The following CLEC2A variants were observed in gnomAD, a reference collection of about 807,000 sequenced individuals.
CLEC2A encodes the protein keratinocyte-associated C-type lectin.
CLEC2A carries 19 observed loss-of-function variants against 18.6 expected under a neutral mutation model. That is an observed-to-expected ratio of 1.02 (90% CI 0.71 to 1.50). The LOEUF (loss-of-function observed/expected upper bound fraction) is 1.50, where lower values mean the gene tolerates loss of function less well. Among genes scored for constraint, CLEC2A ranks in the 40% most tolerant of loss-of-function variants. The probability of loss-of-function intolerance (pLI) is 0.00; values close to 1 mark genes in which losing one functional copy is unlikely to be tolerated. For synonymous variants in CLEC2A, 74 were observed against 64.0 expected (o/e 1.16, Z -0.75); for missense variants, 190 against 207.9 (o/e 0.91, Z 0.53).
At chr12:9,909,351 T>C (rs1346788340), downstream of CLEC2A, among the ~76,000 whole-genome samples, 1 of 152,214 alleles carries the variant, frequency 6.6e-6, no homozygotes, top group Non-Finnish European at 1.5e-5. Flanking sequence ...TCGTCTGCTG[T>C]AGAAACGTTT....
intron 1 of CLEC2A, among the ~76,000 whole-genome samples, chr12:9,930,249 C>T (rs926409408): frequency 5.9e-5 from 9 of 152,134 alleles, no homozygotes; most frequent in East Asian, 5.8e-4. Flanking sequence ...CCCAACCTAC[C>T]GACCTAATTT....
the CLEC2A span, among the ~76,000 whole-genome samples, chr12:9,886,199 G>C: frequency 6.9e-3 from 1,050 of 152,058 alleles, 12 homozygotes; most frequent in African/African-American, 0.024. Flanking sequence ...TAATAAATTA[G>C]TAACAATTAC....
chr12:9,926,427 T>C, intron 1 of CLEC2A, 84 bp from the exon 2 acceptor site: 1 of 836,512 alleles, frequency 1.2e-6, no homozygotes, highest in Non-Finnish European at 2.0e-6. Flanking sequence ...TCTCCTATAA[T>C]TGTTAATCAG....
At chr12:9,932,207 T>C in intron 1 of CLEC2A, 68 bp downstream of exon 1, 2 of 1,166,590 alleles carry the variant, frequency 1.7e-6, no homozygotes, top group Non-Finnish European at 2.5e-6. Flanking sequence ...GAGTCCATAT[T>C]TTTAAGCTGT....
At chr12:9,909,502 A>C (rs1453208579), downstream of CLEC2A, among the ~76,000 whole-genome samples, 1 of 152,144 alleles carries the variant, frequency 6.6e-6, no homozygotes, top group Non-Finnish European at 1.5e-5. Context: ...TTGATCACCG[A>C]CCTGATCTGC....
chr12:9,903,731 G>A (rs1397061369), intron 4 of CLEC2A, among the ~76,000 whole-genome samples: 1 of 152,138 alleles, frequency 6.6e-6, no homozygotes, highest in East Asian at 1.9e-4. Context: ...TGTAATAGAT[G>A]TAATTTATCC....
chr12:9,917,501 G>C (rs770451068), intron 3 of CLEC2A, among the ~76,000 whole-genome samples: 8 of 152,156 alleles, frequency 5.3e-5, no homozygotes, highest in Non-Finnish European at 8.8e-5. Flanking sequence ...AATTAAAAGT[G>C]AGTCTTACCC....
At chr12:9,882,467 G>C in the CLEC2A span, among the ~76,000 whole-genome samples, 5 of 152,206 alleles carry the variant, frequency 3.3e-5, no homozygotes, top group Admixed American at 2.6e-4. Context: ...GCAAAAACTA[G>C]TACCATTGGT....
At chr12:9,888,423 G>T in the CLEC2A span, among the ~76,000 whole-genome samples, 2 of 152,040 alleles carry the variant, frequency 1.3e-5, no homozygotes, top group Admixed American at 1.3e-4. Context: ...CTGGGAGTCG[G>T]AGCTTGCAGT....
intron 1 of CLEC2A, among the ~76,000 whole-genome samples, chr12:9,929,654 A>G: frequency 6.6e-6 from 1 of 152,132 alleles, no homozygotes; most frequent in East Asian, 1.9e-4. Context: ...TATATAGTAA[A>G]TAAATATTTT....
intron 4 of CLEC2A, among the ~76,000 whole-genome samples, chr12:9,902,314 A>G (rs1452530968): frequency 6.6e-6 from 1 of 150,996 alleles, no homozygotes; most frequent in Non-Finnish European, 1.5e-5. Context: ...GCTGACTGCA[A>G]CCTCTGCCTC....
At chr12:9,904,693 T>C (rs1163971657) in intron 4 of CLEC2A, among the ~76,000 whole-genome samples, 1 of 152,220 alleles carries the variant, frequency 6.6e-6, no homozygotes, top group Admixed American at 6.5e-5. Context: ...CATTTGCTCC[T>C]AACCAATACC....
the CLEC2A span, among the ~76,000 whole-genome samples, chr12:9,885,250 A>C: frequency 6.6e-6 from 1 of 151,672 alleles, no homozygotes. Context: ...GGTTGACTTT[A>C]TTATCTTATA....
the CLEC2A span, among the ~76,000 whole-genome samples, chr12:9,891,968 GC>G: frequency 1.3e-5 from 2 of 152,084 alleles, no homozygotes; most frequent in African/African-American, 4.8e-5. Context: ...TCAACAATAA[GC>G]ATTTATTATA....
At chr12:9,908,690 T>A (rs1862939143), downstream of CLEC2A, among the ~76,000 whole-genome samples, 1 of 152,198 alleles carries the variant, frequency 6.6e-6, no homozygotes. Flanking sequence ...TGCGGGACAT[T>A]CCCTCTTAAA....
chr12:9,899,090 C>A, intron 4 of CLEC2A: 2 of 555,956 alleles, frequency 3.6e-6, no homozygotes, highest in Non-Finnish European at 6.6e-6. Flanking sequence ...TCAGTTTGCA[C>A]AGGGAGAGGC....
rs758126894 is a variant in CLEC2A at position 9,932,353 on chromosome 12, T to A, written c.-24A>T. On this transcript the variant is annotated 5_prime_UTR_variant, in exon 1 of 5. Coordinates refer to ENST00000455827, the MANE Select transcript of CLEC2A (RefSeq NM_001130711.2). ...ATGGCAAGGCGCTAACCGATGGAGA[T>A]CAGTAGGAGAGGACTAGAAAGCTTT... The A allele has an allele frequency of 1.3e-6, 2 of 1,551,542 alleles. No individual in the cohort carries two copies. The highest frequency in any genetic ancestry group is 2.4e-5 in the South Asian group (2 of 84,030).
downstream of CLEC2A, among the ~76,000 whole-genome samples, chr12:9,897,305 C>G (rs759872768): frequency 6.6e-6 from 1 of 152,062 alleles, no homozygotes; most frequent in African/African-American, 2.4e-5. Flanking sequence ...CCCTCTACCC[C>G]CTGGAAACTA....
chr12:9,899,026 C>G (rs550369988), intron 4 of CLEC2A: 3 of 694,630 alleles, frequency 4.3e-6, no homozygotes, highest in Non-Finnish European at 5.3e-6. Context: ...TATATCAAAA[C>G]GAAACAAAAC....
Sources: gnomAD v4.1 joint callset for allele counts (sites outside exome capture counted in the v4.1 genomes callset) on GRCh38, gnomAD v4.1.1 for gene constraint, MANE v1.5 for transcripts, NCBI Gene and HGNC (gene_info 2026-07-23, HGNC 2026-07-21) for gene names.